The following EZH2 variants were observed in gnomAD, a reference collection of about 807,000 sequenced individuals.
EZH2 encodes enhancer of zeste 2 polycomb repressive complex 2 subunit, also known as histone-lysine N-methyltransferase EZH2.
EZH2 carries 18 observed loss-of-function variants against 98.4 expected under a neutral mutation model. That is an observed-to-expected ratio of 0.18 (90% confidence interval 0.13 to 0.27). EZH2 has a LOEUF of 0.27. Among genes scored for constraint, EZH2 ranks in the 10% least tolerant of loss-of-function variants. The pLI is 1.00. For synonymous variants in EZH2, 338 were observed against 312.3 expected, an observed-to-expected ratio of 1.08 and a Z score of -0.87; for missense variants, 470 against 935.1, an observed-to-expected ratio of 0.50 and a Z score of 6.49.
At chr7:148,872,240 G>T (rs1418759290) in intron 1 of EZH2, among the ~76,000 whole-genome samples, 1 of 152,150 alleles carries the variant, frequency 6.6e-6, no homozygotes, top group African/African-American at 2.4e-5. Context: ...TCACAAAGGG[G>T]CAAATACTGT....
intron 8 of EZH2, among the ~76,000 whole-genome samples, chr7:148,825,526 G>A (rs927225956): frequency 6.6e-6 from 1 of 152,170 alleles, no homozygotes; most frequent in Admixed American, 6.6e-5. Flanking sequence ...GCAAAAACAA[G>A]TAGAGCAAAC....
intron 17 of EZH2, 62 bp downstream of exon 17, chr7:148,810,271 G>A (rs1336171223): frequency 3.1e-5 from 39 of 1,265,354 alleles, no homozygotes; most frequent in Non-Finnish European, 4.0e-5. Flanking sequence ...CTGAACACTC[G>A]GCCGGCAGAA....
chr7:148,822,313 C>T (rs948018186), intron 8 of EZH2, among the ~76,000 whole-genome samples: 25 of 151,680 alleles, frequency 1.6e-4, no homozygotes, highest in Admixed American at 1.1e-3. Flanking sequence ...AGTTTGAGAC[C>T]GGCCTGGCCA....
intron 17 of EZH2, among the ~76,000 whole-genome samples, chr7:148,810,030 C>T (rs1802595283): frequency 6.6e-6 from 1 of 152,258 alleles, no homozygotes; most frequent in Non-Finnish European, 1.5e-5. Flanking sequence ...TGCTGAGCTG[C>T]CTGAACACAA....
intron 1 of EZH2, among the ~76,000 whole-genome samples, chr7:148,873,557 A>AT (rs58553084): frequency 0.053 from 4,271 of 79,864 alleles, 210 homozygotes; most frequent in East Asian, 0.088. Context: ...CATGCTCTTC[A>AT]TTTTTTTTTT....
Position 148,807,484 on chromosome 7 carries a change from AT to A in EZH2, c.*161del. On this transcript the variant is annotated 3_prime_UTR_variant, in exon 20 of 20. Transcript: ENST00000320356. Reference sequence around the variant, plus strand: ...ACACTTTGCAGCTGGTGAGAAGGCAATAAAAAGTTGATTTTTAAACTCATTA... The same window carrying A: ...ACACTTTGCAGCTGGTGAGAAGGCAAAAAAAGTTGATTTTTAAACTCATTA... 1.6e-6 allele frequency: 1 copy of A among 634,756 alleles called. No individual in the cohort carries two copies. 39.3% of individuals were successfully genotyped at this position (634,756 alleles called of 1,614,324 possible).
chr7:148,811,406 C>G (rs901511437), intron 16 of EZH2, among the ~76,000 whole-genome samples: 17 of 152,166 alleles, frequency 1.1e-4, no homozygotes, highest in African/African-American at 4.1e-4. Context: ...CTGCCTCGGC[C>G]TCCCAAAGTG....
chr7:148,819,129 T>C (rs1188345158), intron 9 of EZH2: 2 of 454,068 alleles, frequency 4.4e-6, no homozygotes, highest in African/African-American at 4.0e-5. Context: ...ACCTCATATT[T>C]TCCTAACCCC....
intron 10 of EZH2, 30 bp downstream of exon 10, chr7:148,817,847 A>G: frequency 6.2e-7 from 1 of 1,614,102 alleles, no homozygotes. Context: ...TTCACAGAAC[A>G]GTAAAACCCA....
At chr7:148,843,325 T>C (rs1454133080) in intron 3 of EZH2, among the ~76,000 whole-genome samples, 2 of 151,864 alleles carry the variant, frequency 1.3e-5, no homozygotes, top group Non-Finnish European at 2.9e-5. Context: ...CTGCTGTGAT[T>C]GTACCACTGC....
chr7:148,812,990 G>T (rs796615800), intron 15 of EZH2, among the ~76,000 whole-genome samples: 1 of 152,046 alleles, frequency 6.6e-6, no homozygotes, highest in African/African-American at 2.4e-5. Flanking sequence ...CTGGTAAGAA[G>T]TGTGTTCTCA....
chr7:148,813,057 A>ACACG (rs149286628), intron 15 of EZH2, among the ~76,000 whole-genome samples: 24,092 of 147,708 alleles, frequency 0.16, 2,073 homozygotes, highest in East Asian at 0.23. Flanking sequence ...CCACATACAC[A>ACACG]CACACACACA....
chr7:148,850,864 A>G (rs1815572056), intron 1 of EZH2, among the ~76,000 whole-genome samples: 1 of 152,212 alleles, frequency 6.6e-6, no homozygotes, highest in African/African-American at 2.4e-5. Context: ...ATTTATAAAT[A>G]AGGCACAGTA....
chr7:148,860,996 T>C (rs1817585045), intron 1 of EZH2, among the ~76,000 whole-genome samples: 1 of 152,060 alleles, frequency 6.6e-6, no homozygotes, highest in Admixed American at 6.6e-5. Flanking sequence ...TATTAAAAAC[T>C]GTTATAGCAA....
At chr7:148,861,032 G>C (rs977829545) in intron 1 of EZH2, among the ~76,000 whole-genome samples, 4 of 151,860 alleles carry the variant, frequency 2.6e-5, no homozygotes, top group South Asian at 2.1e-4. Context: ...GGGGGTCTAG[G>C]GGGTATTGGT....
At chr7:148,858,399 G>A (rs1048361175) in intron 1 of EZH2, among the ~76,000 whole-genome samples, 10 of 152,016 alleles carry the variant, frequency 6.6e-5, no homozygotes, top group African/African-American at 2.4e-4. Context: ...TCCGTGGCCC[G>A]ACCGTAGCTC....
intron 2 of EZH2, among the ~76,000 whole-genome samples, chr7:148,846,962 G>A (rs1814304902): frequency 6.6e-6 from 1 of 151,238 alleles, no homozygotes; most frequent in African/African-American, 2.4e-5. Context: ...AGGCATTTCT[G>A]CAGCTGCATA....
intron 12 of EZH2, among the ~76,000 whole-genome samples, chr7:148,815,862 T>G (rs996140128): frequency 6.6e-6 from 1 of 152,220 alleles, no homozygotes; most frequent in African/African-American, 2.4e-5. Context: ...ATGACACTGA[T>G]CACTTCCTCT....
chr7:148,807,533 T>A lies in EZH2; in HGVS notation c.*113A>T. The A allele has an allele frequency of 1.2e-6, 1 of 864,894 alleles. No individual in the cohort carries two copies. The highest frequency in any genetic ancestry group is 2.7e-4 in the Middle Eastern group (1 of 3,666). The allele number at this position is 864,894 out of a possible 1,614,324, so 53.6% of individuals were successfully genotyped here. On this transcript the variant is annotated 3_prime_UTR_variant, in exon 20 of 20. Coordinates refer to ENST00000320356, the MANE Select transcript of EZH2 (RefSeq NM_004456.5). ...TTACTATAAATTATTCTTACAGTAC[T>A]TTGCAAATTCAGAATTTCAAACTGC...
Sources: allele counts gnomAD v4.1 joint callset (sites outside exome capture counted in the v4.1 genomes callset), GRCh38; gene constraint gnomAD v4.1.1; transcripts MANE v1.5; gene names NCBI Gene and HGNC (gene_info 2026-07-23, HGNC 2026-07-21).